The following CASP9 variants were observed in gnomAD, a reference collection of about 807,000 sequenced individuals.
CASP9 encodes caspase-9.
A neutral mutation model predicts 43.5 loss-of-function variants in CASP9; 29 were observed. That is an observed-to-expected ratio of 0.67 (90% CI 0.50 to 0.91). The LOEUF (loss-of-function observed/expected upper bound fraction) is 0.91, where lower values mean the gene tolerates loss of function less well. Among genes scored for constraint, CASP9 ranks in the 40% least tolerant of loss-of-function variants. The probability of loss-of-function intolerance (pLI) is 0.00; values close to 1 mark genes in which losing one functional copy is unlikely to be tolerated. For synonymous variants in CASP9, 206 were observed against 211.9 expected (o/e 0.97, Z 0.24); for missense variants, 575 against 537.4 (o/e 1.07, Z -0.69).
At chr1:15,522,575 C>G (rs528642500) in intron 1 of CASP9, among the ~76,000 whole-genome samples, 2 of 152,114 alleles carry the variant, frequency 1.3e-5, no homozygotes, top group Non-Finnish European at 2.9e-5. Flanking sequence ...ATTAGCCAGG[C>G]ATGGTGGCAT....
At chr1:15,493,220 C>G (rs1557531255) in intron 8 of CASP9, 185 bp from the exon 9 acceptor site, 1 of 1,407,246 alleles carries the variant, frequency 7.1e-7, no homozygotes, top group Non-Finnish European at 9.2e-7. Context: ...ACTCAAAATT[C>G]AAAATTTCCA....
At chr1:15,524,891 ACCGCC>A, upstream of CASP9, 1 of 332,626 alleles carries the variant, frequency 3.0e-6, no homozygotes, top group Non-Finnish European at 3.5e-6. Context: ...ATTCCGCGCC[ACCGCC>A]CCGCCCCCAG....
chr1:15,494,100 A>T, intron 7 of CASP9, 99 bp from the exon 8 acceptor site: 2 of 1,450,598 alleles, frequency 1.4e-6, no homozygotes, highest in East Asian at 5.0e-5. Context: ...CGCCCTCCAG[A>T]CCTTGACTCA....
chr1:15,507,822 A>C, intron 3 of CASP9, 51 bp downstream of exon 3: 1 of 1,582,020 alleles, frequency 6.3e-7, no homozygotes, highest in Non-Finnish European at 8.7e-7. Flanking sequence ...AGGGGTGGGG[A>C]GGGAAGGGCC....
chr1:15,503,184 C>G lies in CASP9; in HGVS notation c.868+1427G>C, dbSNP rs569698498. Among the ~76,000 whole-genome samples, 13 of 152,094 alleles carry G rather than the reference C, an allele frequency of 8.5e-5. No individual in the cohort carries two copies. The South Asian group carries it at 2.5e-3, about 29-fold the overall frequency. On this transcript the variant is annotated intron_variant, in intron 6 of 8. Coordinates refer to ENST00000333868, the MANE Select transcript of CASP9 (RefSeq NM_001229.5). ...AGCAGATTGCTTGAACCCAGGAGTT[C>G]AAGACCAGCCTGGGCAACATGGCAA... is the stretch of plus-strand genomic sequence containing the variant.
At chr1:15,506,583 T>G (rs1328536301) in intron 4 of CASP9, among the ~76,000 whole-genome samples, 1 of 152,122 alleles carries the variant, frequency 6.6e-6, no homozygotes, top group Non-Finnish European at 1.5e-5. Context: ...CCACCATTTT[T>G]GGGGAGAAGG....
intron 5 of CASP9, 149 bp downstream of exon 5, chr1:15,505,841 A>G: frequency 5.9e-6 from 4 of 679,940 alleles, no homozygotes; most frequent in South Asian, 1.7e-5. Context: ...ATGGCTCCCA[A>G]GAAAACAACA....
intron 2 of CASP9, among the ~76,000 whole-genome samples, chr1:15,510,240 C>A (rs1308328508): frequency 6.6e-6 from 1 of 152,054 alleles, no homozygotes; most frequent in Non-Finnish European, 1.5e-5. Flanking sequence ...TACATTTTTT[C>A]TTTTTTAAAC....
At chr1:15,503,456 G>C (rs1709404425) in intron 6 of CASP9, among the ~76,000 whole-genome samples, 1 of 152,228 alleles carries the variant, frequency 6.6e-6, no homozygotes, top group African/African-American at 2.4e-5. Flanking sequence ...ATGGGCATGG[G>C]TCATGACAGT....
At position 15,491,415 on chromosome 1, in the gene CASP9, T is replaced by TTAG; in HGVS notation, c.*1527_*1528insCTA. 1 of 1,394,654 alleles carries TTAG rather than the reference T, an allele frequency of 7.2e-7. No homozygotes were observed. The highest frequency in any genetic ancestry group is 1.4e-5 in the African/African-American group (1 of 69,372). The allele number at this position is 1,394,654 out of a possible 1,614,324, so 86.4% of individuals were successfully genotyped here. The stretch of plus-strand genomic sequence containing the variant: ...TGCAAATCACATCTTGATGAGGGTT[T>TTAG]TATTATTATTATTAATTCAGAAATC... On this transcript the variant is annotated 3_prime_UTR_variant, in exon 9 of 9. Transcript: ENST00000333868.
Position 15,495,428 on chromosome 1 carries a change from A to G in CASP9, c.893T>C (p.Val298Ala), listed in dbSNP as rs1414185218. ...GGEQKDHGFE[V>A]ASTSPEDESP... Reference sequence around the variant, plus strand: ...CTCGTCTTCAGGGGAAGTGGAGGCCACCTCAAACCCATGGTCTTTCTGCTC... The same window carrying G: ...CTCGTCTTCAGGGGAAGTGGAGGCCGCCTCAAACCCATGGTCTTTCTGCTC... The change falls in exon 7 of 9, where the codon GTG becomes GCG. Residue 298 changes from valine to alanine, a missense_variant. Physicochemically the swap from Val to Ala is moderately conservative, Grantham distance 64. Transcript: ENST00000333868. The G allele has an allele frequency of 6.2e-7, 1 of 1,600,136 alleles. No homozygotes were observed. The highest frequency in any genetic ancestry group is 8.5e-7 in the Non-Finnish European group (1 of 1,173,808).
intron 1 of CASP9, among the ~76,000 whole-genome samples, chr1:15,520,982 C>G (rs1309358270): frequency 2.0e-5 from 3 of 151,772 alleles, no homozygotes; most frequent in Non-Finnish European, 4.4e-5. Context: ...ACGGTGAAAC[C>G]CCATCTCTAC....
chr1:15,502,762 C>G (rs1445920607), intron 6 of CASP9, among the ~76,000 whole-genome samples: 1 of 152,236 alleles, frequency 6.6e-6, no homozygotes, highest in African/African-American at 2.4e-5. Flanking sequence ...GGTATGCCTG[C>G]TCAGCCTGCA....
At chr1:15,493,174 C>G (rs1708956757) in intron 8 of CASP9, 139 bp from the exon 9 acceptor site, 1 of 1,476,566 alleles carries the variant, frequency 6.8e-7, no homozygotes, top group Non-Finnish European at 8.9e-7. Flanking sequence ...AGCAGGAGGG[C>G]TTAAAGAATA....
intron 1 of CASP9, among the ~76,000 whole-genome samples, chr1:15,520,323 C>T (rs1274932520): frequency 3.9e-5 from 6 of 152,150 alleles, no homozygotes; most frequent in African/African-American, 1.2e-4. Context: ...AGGCAAGAGA[C>T]TGAAGCCACA....
intron 3 of CASP9, 172 bp from the exon 4 acceptor site, chr1:15,507,247 G>A (rs1709562694): frequency 1.6e-6 from 1 of 637,864 alleles, no homozygotes; most frequent in Non-Finnish European, 2.7e-6. Flanking sequence ...AGCACTAGAA[G>A]GTGACCCCCC....
rs763333843 is a variant in CASP9 at position 15,507,829 on chromosome 1, G to GGCCCAGA, written c.453+37_453+43dup. On this transcript the variant is annotated intron_variant, in intron 3 of 8. Coordinates refer to ENST00000333868, the MANE Select transcript of CASP9 (RefSeq NM_001229.5). ...AGGACCTGAGGGGTGGGGAGGGAAG[G>GGCCCAGA]GCCCAGAGCCCGAGCTACTGGCCCA... 9 of 1,603,258 alleles carry GGCCCAGA rather than the reference G, an allele frequency of 5.6e-6. No homozygotes were observed. In the South Asian group the frequency reaches 9.9e-5, roughly 18 times the overall value.
chr1:15,503,502 G>A (rs1329448432), intron 6 of CASP9, among the ~76,000 whole-genome samples: 1 of 152,198 alleles, frequency 6.6e-6, no homozygotes, highest in Non-Finnish European at 1.5e-5. Flanking sequence ...ATAAATTCCA[G>A]GAGACTGAAA....
At chr1:15,499,445 A>G (rs1709239132) in intron 6 of CASP9, among the ~76,000 whole-genome samples, 1 of 152,172 alleles carries the variant, frequency 6.6e-6, no homozygotes, top group African/African-American at 2.4e-5. Context: ...TTCTTGCACT[A>G]TGGCAAATCC....
Sources: gnomAD v4.1 joint callset for allele counts (sites outside exome capture counted in the v4.1 genomes callset) on GRCh38, gnomAD v4.1.1 for gene constraint, MANE v1.5 for transcripts, NCBI Gene and HGNC (gene_info 2026-07-23, HGNC 2026-07-21) for gene names.